The following FNDC3B variants were observed in gnomAD, a reference collection of about 807,000 sequenced individuals.
FNDC3B encodes fibronectin type III domain containing 3B.
Under a neutral mutation model 151.5 loss-of-function variants are expected in FNDC3B, and 12 were observed. That is an observed-to-expected ratio of 0.08 (90% CI 0.05 to 0.13). The LOEUF (loss-of-function observed/expected upper bound fraction) is 0.13. FNDC3B is among the 10% of genes least tolerant of loss of function. The pLI is 1.00. For synonymous variants in FNDC3B, 528 were observed against 549.0 expected (o/e 0.96, Z 0.54); for missense variants, 1,214 against 1,505.3 (o/e 0.81, Z 3.20).
At chr3:172,064,135 C>T (rs781192339) in intron 1 of FNDC3B, among the ~76,000 whole-genome samples, 2 of 152,126 alleles carry the variant, frequency 1.3e-5, no homozygotes, top group Non-Finnish European at 2.9e-5. Context: ...TAGCAAGACT[C>T]TCTCTTAAAA....
chr3:172,120,570 G>T (rs770918737), intron 2 of FNDC3B, among the ~76,000 whole-genome samples: 6 of 151,934 alleles, frequency 3.9e-5, no homozygotes, highest in Non-Finnish European at 7.4e-5. Flanking sequence ...ACAGGCATGG[G>T]GGGGGGTGTG....
At chr3:172,181,575 A>G (rs1336689756) in intron 3 of FNDC3B, among the ~76,000 whole-genome samples, 1 of 151,914 alleles carries the variant, frequency 6.6e-6, no homozygotes, top group Non-Finnish European at 1.5e-5. Flanking sequence ...TCATGCCTGT[A>G]ATCCCGGCAC....
intron 1 of FNDC3B, among the ~76,000 whole-genome samples, chr3:172,054,854 A>G (rs1716835488): frequency 6.6e-6 from 1 of 152,178 alleles, no homozygotes; most frequent in Admixed American, 6.5e-5. Context: ...GTAGGTCCTC[A>G]TGATGCAGAT....
Position 172,234,167 on chromosome 3 carries a change from A to G in FNDC3B, c.264+7220A>G, listed in dbSNP as rs139112455. Among the ~76,000 whole-genome samples, 487 of 152,296 alleles carry G rather than the reference A, an allele frequency of 3.2e-3. 2 individuals carry two copies. The highest frequency in any genetic ancestry group is 0.011 in the African/African-American group (472 of 41,564). On this transcript the variant is annotated intron_variant, in intron 4 of 25. Transcript: ENST00000415807. Reference sequence around the variant, plus strand: ...TCGTGACATAATAGAACATGGGATTAGTGGGAGGAAACGAGGGCCCAAGCG... The same window carrying G: ...TCGTGACATAATAGAACATGGGATTGGTGGGAGGAAACGAGGGCCCAAGCG...
At chr3:172,380,043 G>A (rs953885) in intron 24 of FNDC3B, among the ~76,000 whole-genome samples, 4,300 of 150,702 alleles carry the variant, frequency 0.029, 180 homozygotes, top group African/African-American at 0.098. Flanking sequence ...TTTTGGCCTA[G>A]TATTTCCAGC....
At chr3:172,154,471 G>T (rs966782702) in intron 3 of FNDC3B, among the ~76,000 whole-genome samples, 1 of 152,212 alleles carries the variant, frequency 6.6e-6, no homozygotes, top group Non-Finnish European at 1.5e-5. Context: ...CTCCCAAAGT[G>T]CTGGGATTAC....
intron 3 of FNDC3B, among the ~76,000 whole-genome samples, chr3:172,210,231 T>C (rs4610256): frequency 0.89 from 135,776 of 152,262 alleles, 60,828 homozygotes; most frequent in African/African-American, 0.95. Context: ...CTCCATGCAG[T>C]TGGCATCTTT....
At chr3:172,092,621 G>T (rs958992391) in intron 1 of FNDC3B, among the ~76,000 whole-genome samples, 4 of 152,136 alleles carry the variant, frequency 2.6e-5, no homozygotes, top group Non-Finnish European at 5.9e-5. Context: ...CTCTGTAGAG[G>T]TTACTGTGAA....
At position 172,397,231 on chromosome 3, in the gene FNDC3B, G is replaced by A. The variant is rs756307287; in HGVS notation, c.3371G>A (p.Arg1124His). 3 of 1,614,164 alleles carry A rather than the reference G, an allele frequency of 1.9e-6. No homozygotes were observed. The highest frequency in any genetic ancestry group is 1.7e-6 in the Non-Finnish European group (2 of 1,180,018). Reference protein sequence around the residue: ...GLQTNTDYRFRVCACRRCLDT... With the variant: ...GLQTNTDYRFHVCACRRCLDT... Reference sequence around the variant, plus strand: ...CAGACCAACACAGACTACAGGTTCCGCGTATGTGCGTGTCGTCGCTGTTTA... The same window carrying A: ...CAGACCAACACAGACTACAGGTTCCACGTATGTGCGTGTCGTCGCTGTTTA... The change falls in exon 26 of 26, where the codon CGC becomes CAC. Residue 1124 changes from arginine to histidine, a missense_variant. Transcript: ENST00000415807.
intron 1 of FNDC3B, among the ~76,000 whole-genome samples, chr3:172,080,568 G>A (rs796178027): frequency 1.3e-5 from 2 of 152,116 alleles, no homozygotes; most frequent in African/African-American, 2.4e-5. Flanking sequence ...GTGAGGCACT[G>A]TACTAGGCCT....
chr3:172,086,296 G>A (rs890800346), intron 1 of FNDC3B, among the ~76,000 whole-genome samples: 1 of 151,840 alleles, frequency 6.6e-6, no homozygotes, highest in Non-Finnish European at 1.5e-5. Flanking sequence ...GGAGGTAGAG[G>A]CTGTAGTGAG....
intron 9 of FNDC3B, chr3:172,307,057 T>C (rs1731234910): frequency 4.5e-6 from 1 of 224,478 alleles, no homozygotes; most frequent in African/African-American, 2.3e-5. Flanking sequence ...AGAACATATA[T>C]TTGGAGATCG....
At chr3:172,234,431 C>T (rs575830243) in intron 4 of FNDC3B, among the ~76,000 whole-genome samples, 6 of 152,208 alleles carry the variant, frequency 3.9e-5, no homozygotes, top group Non-Finnish European at 7.3e-5. Flanking sequence ...ATTTTTATCT[C>T]ATGGAGGGAA....
At chr3:172,247,807 G>A (rs778349064) in intron 5 of FNDC3B, 31 bp downstream of exon 5, 14 of 1,610,858 alleles carry the variant, frequency 8.7e-6, no homozygotes, top group East Asian at 6.7e-5. Context: ...GTCAGGAGCC[G>A]TTGAAACTGA....
chr3:172,225,602 A>G (rs1175221462), intron 3 of FNDC3B: 2 of 154,932 alleles, frequency 1.3e-5, no homozygotes, highest in Non-Finnish European at 1.4e-5. Context: ...CAGGACATCC[A>G]GCTTAATCTT....
intron 11 of FNDC3B, among the ~76,000 whole-genome samples, chr3:172,322,064 C>T (rs1424325314): frequency 6.6e-6 from 1 of 152,046 alleles, no homozygotes; most frequent in Non-Finnish European, 1.5e-5. Flanking sequence ...AACAAATTAC[C>T]CCAAAACTTA....
chr3:172,279,215 G>C (rs375207609), intron 6 of FNDC3B, among the ~76,000 whole-genome samples: 3 of 136,684 alleles, frequency 2.2e-5, no homozygotes, highest in Admixed American at 2.1e-4. Context: ...CACAGGCCTG[G>C]GGAGTGGGGG....
intron 2 of FNDC3B, among the ~76,000 whole-genome samples, chr3:172,116,703 T>C (rs1164281334): frequency 2.0e-5 from 3 of 152,142 alleles, no homozygotes; most frequent in South Asian, 4.1e-4. Context: ...GTAGCTGGGA[T>C]TACAGGCATA....
intron 8 of FNDC3B, among the ~76,000 whole-genome samples, chr3:172,297,513 C>T (rs961314991): frequency 2.6e-5 from 4 of 151,756 alleles, no homozygotes; most frequent in Admixed American, 1.3e-4. Context: ...CTTGCTCTGT[C>T]GCCCAGGCTG....
Sources: gnomAD v4.1 joint callset for allele counts (sites outside exome capture counted in the v4.1 genomes callset) on GRCh38, gnomAD v4.1.1 for gene constraint, MANE v1.5 for transcripts, NCBI Gene and HGNC (gene_info 2026-07-23, HGNC 2026-07-21) for gene names.